The following POFUT1 variants were observed in gnomAD, a reference collection of about 807,000 sequenced individuals.
POFUT1 encodes GDP-fucose protein O-fucosyltransferase 1.
Under a neutral mutation model 42.4 loss-of-function variants are expected in POFUT1, and 16 were observed. That is an observed-to-expected ratio of 0.38 (90% CI 0.26 to 0.57). The LOEUF is 0.57. Ranked by LOEUF, POFUT1 falls within the 20% of genes least tolerant of loss-of-function variation. POFUT1 has a pLI of 0.71. For missense variants in POFUT1, 470 were observed against 504.6 expected (o/e 0.93, Z 0.66); for synonymous variants, 206 against 205.4 (o/e 1.00, Z -0.03).
Position 32,236,274 on chromosome 20 carries a change from A to T in POFUT1, c.*1613A>T, listed in dbSNP as rs1338141354. 1 of 152,128 alleles carries T rather than the reference A, an allele frequency of 6.6e-6. No individual in the cohort carries two copies. Among genetic ancestry groups the T allele is most frequent in the African/African-American group, 2.4e-5 (1 of 41,410 alleles). The allele number at this position is 152,128 out of a possible 1,614,324, so 9.4% of individuals were successfully genotyped here. A position where few individuals can be genotyped will look rare whatever the true frequency, so the allele number is the denominator to read the frequency against. On this transcript the variant is annotated 3_prime_UTR_variant, in exon 7 of 7. Coordinates refer to ENST00000375749, the MANE Select transcript of POFUT1 (RefSeq NM_015352.2). The stretch of plus-strand genomic sequence containing the variant: ...GCTGGCTGATTTCATTTTGGAATTC[A>T]TTTGCCATCCACAGCCTTACACTAG...
At chr20:32,219,283 G>T (rs145344553) in intron 4 of POFUT1, among the ~76,000 whole-genome samples, 1 of 152,260 alleles carries the variant, frequency 6.6e-6, no homozygotes, top group East Asian at 1.9e-4. Context: ...GATTGGCAGG[G>T]CTAAGACCAG....
intron 2 of POFUT1, among the ~76,000 whole-genome samples, chr20:32,213,112 C>T (rs888335040): frequency 6.6e-6 from 1 of 152,078 alleles, no homozygotes; most frequent in African/African-American, 2.4e-5. Flanking sequence ...TCTCCAACTC[C>T]TGACCTCAGG....
chr20:32,221,946 C>G (rs1425575303), intron 4 of POFUT1, among the ~76,000 whole-genome samples: 1 of 152,096 alleles, frequency 6.6e-6, no homozygotes, highest in Non-Finnish European at 1.5e-5. Context: ...TTATTGTTTT[C>G]TTAAGTAAAA....
At position 32,228,451 on chromosome 20, in the gene POFUT1, A is replaced by C; in HGVS notation, c.731A>C (p.Asp244Ala). Residue 244 changes from aspartate to alanine, a missense_variant, in exon 5 of 7, where the codon GAC (aspartate) becomes GCC (alanine). By Grantham distance (126) the Asp-to-Ala change is moderately radical (BLOSUM62 -2). Transcript: ENST00000375749. ...YVGIHLRIGS[D>A]WKNACAMLKD... is the part of the protein sequence containing the mutation. Reference sequence around the variant, plus strand: ...GGCATTCATCTGCGCATTGGCTCTGACTGGGTAACTTCCCCCTTCCTCTCT... The same window carrying C: ...GGCATTCATCTGCGCATTGGCTCTGCCTGGGTAACTTCCCCCTTCCTCTCT... 6.2e-7 allele frequency: 1 copy of C among 1,613,516 alleles called. No homozygotes were observed. Among genetic ancestry groups the C allele is most frequent in the Non-Finnish European group, 8.5e-7 (1 of 1,179,590 alleles).
intron 1 of POFUT1, 75 bp downstream of exon 1, chr20:32,208,140 C>A: frequency 7.2e-7 from 1 of 1,385,424 alleles, no homozygotes; most frequent in Non-Finnish European, 9.8e-7. Context: ...TCAGATGCGC[C>A]CAGAGACACC....
At chr20:32,210,223 T>G in intron 2 of POFUT1, 31 bp downstream of exon 2, 1 of 1,613,420 alleles carries the variant, frequency 6.2e-7, no homozygotes, top group Non-Finnish European at 8.5e-7. Flanking sequence ...TTGGCCTTTC[T>G]CCGCCCTTTC....
chr20:32,210,503 C>T (rs549355158), intron 2 of POFUT1, among the ~76,000 whole-genome samples: 1 of 152,356 alleles, frequency 6.6e-6, no homozygotes, highest in South Asian at 2.1e-4. Flanking sequence ...TCAAAGCTAT[C>T]TTTGTCTGAC....
At chr20:32,211,366 C>A (rs759686630) in intron 2 of POFUT1, among the ~76,000 whole-genome samples, 1 of 151,962 alleles carries the variant, frequency 6.6e-6, no homozygotes, top group Non-Finnish European at 1.5e-5. Flanking sequence ...TTCTGCCTCC[C>A]GGGTTCAAGC....
chr20:32,219,710 G>C (rs1362033817), intron 4 of POFUT1, among the ~76,000 whole-genome samples: 4 of 151,836 alleles, frequency 2.6e-5, no homozygotes, highest in African/African-American at 9.7e-5. Flanking sequence ...TGTTAGCCAG[G>C]ATGGTCTCGA....
At chr20:32,211,142 G>T (rs1416048635) in intron 2 of POFUT1, among the ~76,000 whole-genome samples, 1 of 152,216 alleles carries the variant, frequency 6.6e-6, no homozygotes, top group African/African-American at 2.4e-5. Flanking sequence ...AGGACTGAAT[G>T]TGTCAGTGGC....
rs779950045 is a variant in POFUT1, at chr20:32,207,910, G to T, written c.-32G>T. ...CGTCCCTCCTTCCCTCCCCGACTGT[G>T]CGCCGCGGCTGGCTCGGGTTCCCGG... On this transcript the variant is annotated 5_prime_UTR_variant, in exon 1 of 7. Coordinates refer to ENST00000375749, the MANE Select transcript of POFUT1 (RefSeq NM_015352.2). 3.2e-6 allele frequency: 5 copies of T among 1,563,758 alleles called. No homozygotes were observed. In the South Asian group the frequency reaches 4.6e-5, roughly 14 times the overall value.
At chr20:32,230,317 G>T (rs1424870121) in intron 5 of POFUT1, among the ~76,000 whole-genome samples, 3 of 151,366 alleles carry the variant, frequency 2.0e-5, no homozygotes, top group Non-Finnish European at 4.4e-5. Flanking sequence ...AACCCAGGAG[G>T]TGGAGCTTGC....
At chr20:32,233,272 T>C (rs2047452137) in intron 6 of POFUT1, among the ~76,000 whole-genome samples, 1 of 152,106 alleles carries the variant, frequency 6.6e-6, no homozygotes, top group Non-Finnish European at 1.5e-5. Flanking sequence ...TGGCCTAGGC[T>C]AGAGGGCCAG....
At chr20:32,211,604 C>T (rs149496717) in intron 2 of POFUT1, among the ~76,000 whole-genome samples, 98 of 152,282 alleles carry the variant, frequency 6.4e-4, no homozygotes, top group Non-Finnish European at 1.0e-3. Context: ...CATTGCCCAT[C>T]CATCTCCCTC....
chr20:32,225,100 C>G (rs865923518), intron 4 of POFUT1, among the ~76,000 whole-genome samples: 3 of 152,168 alleles, frequency 2.0e-5, no homozygotes, highest in African/African-American at 7.2e-5. Flanking sequence ...TATTAATTAG[C>G]TTGGCTGTAC....
intron 2 of POFUT1, among the ~76,000 whole-genome samples, chr20:32,212,502 G>C (rs2047334913): frequency 6.6e-6 from 1 of 152,110 alleles, no homozygotes; most frequent in Non-Finnish European, 1.5e-5. Flanking sequence ...CTGAGTCTAA[G>C]CAGTCCTCCT....
At chr20:32,215,626 ACTTTG>A (rs2086305952) in intron 3 of POFUT1, among the ~76,000 whole-genome samples, 175 bp downstream of exon 3, 1 of 152,186 alleles carries the variant, frequency 6.6e-6, no homozygotes, top group Admixed American at 6.5e-5. Context: ...TGGGCAGAAG[ACTTTG>A]CTTCTCTGAA....
Position 32,231,064 on chromosome 20 carries a change from A to G in POFUT1, c.978+3A>G. On this transcript the variant is annotated splice_donor_region_variant and intron_variant, in intron 6 of 6. Transcript: ENST00000375749. Reference sequence around the variant, plus strand: ...TCCAACAGCTCTTCAAAGGGAAGGTATGTGTGGGCCAAGTGGGAGTGCAGT... The same window carrying G: ...TCCAACAGCTCTTCAAAGGGAAGGTGTGTGTGGGCCAAGTGGGAGTGCAGT... 1 of 1,614,100 alleles carries G rather than the reference A, an allele frequency of 6.2e-7. No homozygotes were observed. The highest frequency in any genetic ancestry group is 8.5e-7 in the Non-Finnish European group (1 of 1,180,006).
chr20:32,224,673 G>C (rs372377845), intron 4 of POFUT1, among the ~76,000 whole-genome samples: 5 of 152,332 alleles, frequency 3.3e-5, no homozygotes, highest in African/African-American at 7.2e-5. Flanking sequence ...TGGGAATTGC[G>C]ACTGACCTTG....
Sources: gnomAD v4.1 joint callset for allele counts (sites outside exome capture counted in the v4.1 genomes callset) on GRCh38, gnomAD v4.1.1 for gene constraint, MANE v1.5 for transcripts, NCBI Gene and HGNC (gene_info 2026-07-23, HGNC 2026-07-21) for gene names.